The following MYO7A variants were observed in gnomAD, a reference collection of about 807,000 sequenced individuals.
MYO7A encodes the protein unconventional myosin-VIIa.
Under a neutral mutation model 263.8 loss-of-function variants are expected in MYO7A, and 210 were observed. The observed-to-expected ratio is 0.80, with a 90% CI of 0.71 to 0.89. The LOEUF is 0.89. Ranked by LOEUF, MYO7A falls within the 40% of genes least tolerant of loss-of-function variation. MYO7A has a pLI of 0.00. For synonymous variants in MYO7A, 1,239 were observed against 1,197.3 expected (o/e 1.03, Z -0.72); for missense variants, 2,820 against 2,968.3 (o/e 0.95, Z 1.16).
Position 77,159,648 on chromosome 11 carries a change from A to G in MYO7A, c.1080+125A>G, listed in dbSNP as rs1334160097. The stretch of plus-strand genomic sequence containing the variant: ...CCCTCTGGTTTGGAGAGTTCTGTTC[A>G]ATATGGAGAAGCAACCATGTGCAGG... On this transcript the variant is annotated intron_variant, in intron 10 of 48. Coordinates refer to ENST00000409709, the MANE Select transcript of MYO7A (RefSeq NM_000260.4). 3 of 951,424 alleles carry G rather than the reference A, an allele frequency of 3.2e-6. No homozygotes were observed. In the East Asian group the frequency reaches 7.5e-5, roughly 24 times the overall value. 58.9% of individuals were successfully genotyped at this position (951,424 alleles called of 1,614,324 possible).
chr11:77,191,958 C>A (rs1944034), intron 30 of MYO7A, 93 bp from the exon 31 acceptor site: 23 of 1,160,144 alleles, frequency 2.0e-5, no homozygotes, highest in Middle Eastern at 2.9e-4. Flanking sequence ...GCTGGGCCTC[C>A]GTTTTCTGTC....
rs1161082114 is a variant in MYO7A, at chr11:77,190,062, C to T, written c.3673C>T (p.Pro1225Ser). Residue 1225 changes from proline to serine, a missense_variant, in exon 29 of 49, where the codon CCG becomes TCG. By Grantham distance (74) the Pro-to-Ser change is moderately conservative (BLOSUM62 -1). Transcript: ENST00000409709. ...FIHGGPPGYA[P>S]YCEERLRRTF... Reference sequence around the variant, plus strand: ...CCACGGGGGCCCGCCCGGCTACGCCCCGTACTGTGAGGAGCGCCTGAGAAG... The same window carrying T: ...CCACGGGGGCCCGCCCGGCTACGCCTCGTACTGTGAGGAGCGCCTGAGAAG... The T allele has an allele frequency of 1.9e-6, 3 of 1,574,594 alleles. No homozygotes were observed. The highest frequency in any genetic ancestry group is 2.3e-5 in the South Asian group (2 of 85,634).
chr11:77,163,338 T>C (rs1555070500), intron 14 of MYO7A, among the ~76,000 whole-genome samples: 1 of 152,122 alleles, frequency 6.6e-6, no homozygotes, highest in Admixed American at 6.6e-5. Flanking sequence ...CTCATATAAG[T>C]GGAATCATAT....
intron 10 of MYO7A, among the ~76,000 whole-genome samples, 193 bp from the exon 11 acceptor site, chr11:77,159,970 G>A (rs1464986088): frequency 6.6e-6 from 1 of 152,254 alleles, no homozygotes; most frequent in African/African-American, 2.4e-5. Context: ...GTCAAGGAGA[G>A]AGAAGTTCCT....
chr11:77,214,572 C>T lies in MYO7A; in HGVS notation c.6559-35C>T, dbSNP rs181927308. On this transcript the variant is annotated intron_variant, in intron 48 of 48. Transcript: ENST00000409709. ...GTCTGAGTGGCTGGCCCTGTCCCAC[C>T]GTGTGCTCGCTTATCTTCTCACCCC... is the stretch of plus-strand genomic sequence containing the variant. 40 of 1,464,888 alleles carry T rather than the reference C, an allele frequency of 2.7e-5. No homozygotes were observed. The Admixed American group carries it at 4.1e-4, about 15-fold the overall frequency. 90.7% of individuals were successfully genotyped at this position (1,464,888 alleles called of 1,614,324 possible). A position where few individuals can be genotyped will look rare whatever the true frequency, so the allele number is the denominator to read the frequency against.
intron 15 of MYO7A, among the ~76,000 whole-genome samples, chr11:77,171,321 T>A (rs899918713): frequency 1.2e-4 from 18 of 152,146 alleles, no homozygotes; most frequent in Admixed American, 9.8e-4. Flanking sequence ...ACAGCCCAAC[T>A]TGGACAGCTC....
chr11:77,145,805 C>T lies in MYO7A; in HGVS notation c.133-1993C>T, dbSNP rs538604504. Among the ~76,000 whole-genome samples, 14 of 152,252 alleles carry T rather than the reference C, an allele frequency of 9.2e-5. No individual in the cohort carries two copies. In the South Asian group the frequency reaches 2.3e-3, roughly 25 times the overall value. ...AACTGGGGTGGGGGGCTCTGTCCAG[C>T]GCAGCCCCTAATCCCCCTGAGGGCC... On this transcript the variant is annotated intron_variant, in intron 3 of 48. Coordinates refer to ENST00000409709, the MANE Select transcript of MYO7A (RefSeq NM_000260.4).
At chr11:77,181,905 T>A (rs782092251) in intron 23 of MYO7A, 46 bp from the exon 24 acceptor site, 1 of 1,584,318 alleles carries the variant, frequency 6.3e-7, no homozygotes, top group Non-Finnish European at 8.6e-7. Context: ...CCACCTGAGC[T>A]TCCTGAGTAG....
Position 77,179,940 on chromosome 11 carries a change from GC to G in MYO7A, c.2575del (p.Leu859SerfsTer26). On this transcript the variant is annotated frameshift_variant, in exon 21 of 49. Coordinates refer to ENST00000409709, the MANE Select transcript of MYO7A (RefSeq NM_000260.4). LOFTEE classifies it high-confidence loss of function. ...RGMIARRLHQ[R>X]LRAEYLWRLE... Reference sequence around the variant, plus strand: ...ATGATCGCCCGCAGGCTGCACCAACGCCTCAGGGCTGAGGTGAGGGAGCAAG... The same window carrying G: ...ATGATCGCCCGCAGGCTGCACCAACGCTCAGGGCTGAGGTGAGGGAGCAAG... 1 of 1,527,008 alleles carries G rather than the reference GC, an allele frequency of 6.5e-7. No homozygotes were observed. The highest frequency in any genetic ancestry group is 8.8e-7 in the Non-Finnish European group (1 of 1,138,382). 94.6% of individuals were successfully genotyped at this position (1,527,008 alleles called of 1,614,324 possible).
intron 40 of MYO7A, 71 bp downstream of exon 40, chr11:77,205,688 G>C: frequency 6.3e-7 from 1 of 1,589,258 alleles, no homozygotes; most frequent in South Asian, 1.1e-5. Flanking sequence ...TGTGGGATGA[G>C]CCCCTTGGGG....
chr11:77,178,524 CTTTA>C (rs1954877233), intron 19 of MYO7A, among the ~76,000 whole-genome samples: 2 of 152,116 alleles, frequency 1.3e-5, no homozygotes, highest in Admixed American at 1.3e-4. Flanking sequence ...TTCGCTCTTC[CTTTA>C]TTTATTTCTA....
In MYO7A at chr11:77,175,418, G is replaced by C. The variant is rs1591353315; in HGVS notation, c.2141G>C (p.Gly714Ala). 6.2e-7 allele frequency: 1 copy of C among 1,613,360 alleles called. No homozygotes were observed. The highest frequency in any genetic ancestry group is 2.2e-5 in the East Asian group (1 of 44,882). ...CAGCGCATGGCTGAGGCTGTGCTGG[G>C]CACCCACGATGACTGGCAGATAGGC... Reference protein sequence around the residue: ...TCQRMAEAVLGTHDDWQIGKT... With the variant: ...TCQRMAEAVLATHDDWQIGKT... The change falls in exon 18 of 49, where the codon GGC (glycine) becomes GCC (alanine). Residue 714 changes from glycine to alanine, a missense_variant. Gly to Ala is a moderately conservative substitution (Grantham distance 60). Transcript: ENST00000409709.
chr11:77,195,103 C>T (rs1157436697), intron 32 of MYO7A, among the ~76,000 whole-genome samples: 1 of 152,088 alleles, frequency 6.6e-6, no homozygotes, highest in African/African-American at 2.4e-5. Flanking sequence ...GAATTGCCCC[C>T]GTACATAAGT....
intron 11 of MYO7A, among the ~76,000 whole-genome samples, chr11:77,160,715 T>C (rs1163947985): frequency 6.6e-6 from 1 of 152,156 alleles, no homozygotes; most frequent in Non-Finnish European, 1.5e-5. Context: ...GGAGGGCTCC[T>C]TCCCCTGCTG....
In MYO7A at chr11:77,180,389, G is replaced by A. The variant is rs782679618; in HGVS notation, c.2602G>A (p.Glu868Lys). Residue 868 changes from glutamate to lysine, a missense_variant, in exon 22 of 49, where the codon GAG (glutamate) becomes AAG (lysine). Glu to Lys is a moderately conservative substitution (Grantham distance 56). Coordinates refer to ENST00000409709, the MANE Select transcript of MYO7A (RefSeq NM_000260.4). ...CTTCCCTCAGTATCTGTGGCGCCTC[G>A]AGGCTGAGAAAATGCGGCTGGCGGA... ...RLRAEYLWRLEAEKMRLAEEE... is the reference protein window; with the variant it reads ...RLRAEYLWRLKAEKMRLAEEE... The A allele has an allele frequency of 7.4e-6, 12 of 1,612,484 alleles. No individual in the cohort carries two copies. The highest frequency in any genetic ancestry group is 3.3e-5 in the Admixed American group (2 of 59,970).
chr11:77,182,698 T>G, intron 25 of MYO7A, 98 bp downstream of exon 25: 80 of 1,281,534 alleles, frequency 6.2e-5, no homozygotes, highest in Non-Finnish European at 7.8e-5. Context: ...AAAAGGATCC[T>G]ATAATTCATC....
chr11:77,193,924 A>G (rs1003128198), intron 31 of MYO7A: 7 of 441,160 alleles, frequency 1.6e-5, no homozygotes, highest in Admixed American at 1.4e-4. Context: ...AGTCACAGTG[A>G]TGCACTTCCC....
At chr11:77,213,749 C>T in intron 47 of MYO7A, 111 bp from the exon 48 acceptor site, 2 of 1,501,640 alleles carry the variant, frequency 1.3e-6, no homozygotes, top group Non-Finnish European at 1.8e-6. Context: ...TGGCTTTTCC[C>T]TCCGGCCATG....
intron 4 of MYO7A, among the ~76,000 whole-genome samples, chr11:77,153,174 G>A (rs1320162292): frequency 6.6e-6 from 1 of 152,170 alleles, no homozygotes; most frequent in African/African-American, 2.4e-5. Context: ...CAGTGGGGAG[G>A]CACCTGCAGT....
Sources: allele counts gnomAD v4.1 joint callset (sites outside exome capture counted in the v4.1 genomes callset), GRCh38; gene constraint gnomAD v4.1.1; transcripts MANE v1.5; gene names NCBI Gene and HGNC (gene_info 2026-07-23, HGNC 2026-07-21).